Variants in PKHD1L1 observed in about 807,000 individuals in gnomAD.
PKHD1L1 encodes the protein fibrocystin-L.
In PKHD1L1, 434 loss-of-function variants were observed where a neutral mutation model predicts 462.9. The observed-to-expected ratio is 0.94, with a 90% confidence interval of 0.87 to 1.02. PKHD1L1 has a LOEUF of 1.02. PKHD1L1 is among the 50% of genes least tolerant of loss of function. PKHD1L1 has a pLI of 0.00. For missense variants in PKHD1L1, 5,202 were observed against 5,096.1 expected (o/e 1.02, Z -0.63); for synonymous variants, 1,781 against 1,750.0 (o/e 1.02, Z -0.44).
chr8:109,430,180 C>A, intron 27 of PKHD1L1, 143 bp downstream of exon 27: 1 of 473,816 alleles, frequency 2.1e-6, no homozygotes, highest in Non-Finnish European at 3.7e-6. Flanking sequence ...AAATTAAAAA[C>A]CCTATCAGAG....
At position 109,445,432 on chromosome 8, in the gene PKHD1L1, G is replaced by A. The variant is rs771942205; in HGVS notation, c.5563G>A (p.Gly1855Ser). The change falls in exon 38 of 78, where the codon GGC becomes AGC. Residue 1855 changes from glycine (G) to serine (S), a missense_variant. Gly to Ser is a moderately conservative substitution (Grantham distance 56). Around this residue, in one of 3 missense-constraint regions of PKHD1L1, gnomAD observed 4,497 missense variants for 4,336.8 expected, o/e 1.04. Transcript: ENST00000378402. ...GGTTLVITGN[G>S]FYPGNTTVTI... ...AACTACACTGGTGATCACAGGAAAT[G>A]GCTTCTATCCAGGCAACACTACAGT... 1 of 1,613,912 alleles carries A rather than the reference G, an allele frequency of 6.2e-7. No homozygotes were observed. The highest frequency in any genetic ancestry group is 2.2e-5 in the East Asian group (1 of 44,874).
intron 72 of PKHD1L1, 97 bp from the exon 73 acceptor site, chr8:109,518,068 TGG>T: frequency 1.3e-6 from 1 of 769,168 alleles, no homozygotes; most frequent in Non-Finnish European, 2.0e-6. Context: ...AAGTTGAATT[TGG>T]GGGACTTTCT....
chr8:109,373,278 T>C (rs1183552814), intron 2 of PKHD1L1, among the ~76,000 whole-genome samples: 1 of 152,226 alleles, frequency 6.6e-6, no homozygotes, highest in African/African-American at 2.4e-5. Flanking sequence ...CTAGATTTTC[T>C]AGTTTATTTG....
At chr8:109,401,719 A>G (rs1813283549) in intron 14 of PKHD1L1, 131 bp downstream of exon 14, 1 of 518,058 alleles carries the variant, frequency 1.9e-6, no homozygotes, top group Non-Finnish European at 3.4e-6. Flanking sequence ...ATAATTGGTC[A>G]TTCTCTATAA....
At chr8:109,372,454 G>A (rs1466477939) in intron 2 of PKHD1L1, among the ~76,000 whole-genome samples, 8 of 152,108 alleles carry the variant, frequency 5.3e-5, no homozygotes, top group Non-Finnish European at 8.8e-5. Flanking sequence ...CTGCAAACAG[G>A]GACAATTTGA....
At chr8:109,436,578 T>C in intron 30 of PKHD1L1, 119 bp downstream of exon 30, 1 of 1,461,932 alleles carries the variant, frequency 6.8e-7, no homozygotes, top group Non-Finnish European at 9.1e-7. Context: ...ACTGCAGGGT[T>C]TCTATTATGC....
Position 109,412,509 on chromosome 8 carries a change from A to G in PKHD1L1, c.2235+95A>G, listed in dbSNP as rs1335282304. ...TAAGACAAGAAAAAATATTTGCCATATAAATAGTATGTCATATTGTAACAG... is the reference window on the plus strand; with the variant it reads ...TAAGACAAGAAAAAATATTTGCCATGTAAATAGTATGTCATATTGTAACAG... On this transcript the variant is annotated intron_variant, in intron 20 of 77. Transcript: ENST00000378402. The G allele has an allele frequency of 5.4e-6, 7 of 1,298,464 alleles. No individual in the cohort carries two copies. In the Admixed American group the frequency reaches 1.5e-4, roughly 28 times the overall value. The allele number at this position is 1,298,464 out of a possible 1,614,324, so 80.4% of individuals were successfully genotyped here.
intron 19 of PKHD1L1, among the ~76,000 whole-genome samples, chr8:109,410,760 C>T (rs1813814971): frequency 1.8e-5 from 1 of 55,224 alleles, no homozygotes. Context: ...GACGGAGTCT[C>T]ACTCTGTCTC....
In PKHD1L1 at chr8:109,429,455, A is replaced by T; in HGVS notation, c.3116A>T (p.Gln1039Leu). ...GACCTACTTCGTACACCCAGTCAAC[A>T]GCCACAGGTATTTTTGAAACTTTTC... Reference protein sequence around the residue: ...LGDLLRTPSQQPQVEVYVNGI... With the variant: ...LGDLLRTPSQLPQVEVYVNGI... Residue 1039 changes from glutamine to leucine, a missense_variant, in exon 26 of 78, where the codon CAG becomes CTG. Around this residue, in one of 3 missense-constraint regions of PKHD1L1, gnomAD observed 4,497 missense variants for 4,336.8 expected, o/e 1.04. Coordinates refer to ENST00000378402, the MANE Select transcript of PKHD1L1 (RefSeq NM_177531.6). 6.2e-7 allele frequency: 1 copy of T among 1,606,940 alleles called. No individual in the cohort carries two copies. Among genetic ancestry groups the T allele is most frequent in the Non-Finnish European group, 8.5e-7 (1 of 1,176,416 alleles).
chr8:109,505,405 G>A (rs1486960355), intron 68 of PKHD1L1, among the ~76,000 whole-genome samples: 1 of 152,182 alleles, frequency 6.6e-6, no homozygotes, highest in Non-Finnish European at 1.5e-5. Context: ...ACAAAGGTCA[G>A]TTGGTGTCAG....
At chr8:109,471,510 T>C (rs1386045302) in intron 50 of PKHD1L1, among the ~76,000 whole-genome samples, 1 of 152,204 alleles carries the variant, frequency 6.6e-6, no homozygotes, top group Non-Finnish European at 1.5e-5. Flanking sequence ...TTTTCATTCA[T>C]GAGTATTTCC....
chr8:109,371,908 C>T lies in PKHD1L1; in HGVS notation c.163+7272C>T, dbSNP rs368560174. ...ACCATGCTGTTTTGGTTACTGTAGCCTTGTAGTATAGTTTGAAGTCAGGTA... is the reference window on the plus strand; with the variant it reads ...ACCATGCTGTTTTGGTTACTGTAGCTTTGTAGTATAGTTTGAAGTCAGGTA... On this transcript the variant is annotated intron_variant, in intron 2 of 77. Transcript: ENST00000378402. 1.8e-4 allele frequency among the ~76,000 whole-genome samples: 27 copies of T among 152,050 alleles called. No homozygotes were observed. In the South Asian group the frequency reaches 2.5e-3, roughly 14 times the overall value.
intron 53 of PKHD1L1, among the ~76,000 whole-genome samples, chr8:109,479,347 C>T (rs1203982018): frequency 1.3e-5 from 2 of 152,096 alleles, no homozygotes; most frequent in Non-Finnish European, 2.9e-5. Context: ...CCTTTCTTCA[C>T]AGAATCTAGC....
rs116609013 is a variant in PKHD1L1, at chr8:109,394,857, T to A, written c.811+372T>A. On this transcript the variant is annotated intron_variant, in intron 10 of 77. Coordinates refer to ENST00000378402, the MANE Select transcript of PKHD1L1 (RefSeq NM_177531.6). ...TACGATGGGGTGACCCCATCATAAG[T>A]TGAAAATATTATTACATCGAAAATG... is the stretch of plus-strand genomic sequence containing the variant. Among the ~76,000 whole-genome samples, 1,453 of 152,286 alleles carry A rather than the reference T, an allele frequency of 9.5e-3. 20 individuals carry two copies. Among genetic ancestry groups the A allele is most frequent in the African/African-American group, 0.033 (1,371 of 41,536 alleles).
intron 41 of PKHD1L1, 70 bp downstream of exon 41, chr8:109,451,219 A>G (rs1217509589): frequency 2.1e-6 from 3 of 1,456,228 alleles, no homozygotes; most frequent in African/African-American, 2.8e-5. Context: ...GCTTTCTCCT[A>G]TGCCCGGACA....
At position 109,536,458 on chromosome 8, in the gene PKHD1L1, G is replaced by C. The variant is rs1361192223; in HGVS notation, c.*6368G>C. Among the ~76,000 whole-genome samples the C allele has an allele frequency of 6.6e-6, 1 of 152,072 alleles. No individual in the cohort carries two copies. The highest frequency in any genetic ancestry group is 1.5e-5 in the Non-Finnish European group (1 of 68,012). ...GATTTACAAACTACTGTTTTATGTT[G>C]GTTGTATGAATTTCAATACATTTAC... On this transcript the variant is annotated 3_prime_UTR_variant, in exon 78 of 78. Coordinates refer to ENST00000378402, the MANE Select transcript of PKHD1L1 (RefSeq NM_177531.6).
At chr8:109,494,451 C>T (rs1818990088) in intron 63 of PKHD1L1, among the ~76,000 whole-genome samples, 2 of 152,004 alleles carry the variant, frequency 1.3e-5, no homozygotes, top group South Asian at 4.1e-4. Context: ...TTATTCATCA[C>T]AGCATTGTCT....
At chr8:109,424,532 T>C (rs2130662214) in intron 23 of PKHD1L1, among the ~76,000 whole-genome samples, 1 of 152,296 alleles carries the variant, frequency 6.6e-6, no homozygotes, top group African/African-American at 2.4e-5. Context: ...ATTTTCATTA[T>C]TGGGGTTACA....
At chr8:109,503,315 CA>C (rs35157030) in intron 67 of PKHD1L1, among the ~76,000 whole-genome samples, 58,573 of 132,528 alleles carry the variant, frequency 0.44, 11,578 homozygotes, top group South Asian at 0.6. Flanking sequence ...CAAAAACAAA[CA>C]AAAAAAAAAC....
Sources: allele counts gnomAD v4.1 joint callset (sites outside exome capture counted in the v4.1 genomes callset), GRCh38; gene constraint gnomAD v4.1.1; regional missense constraint gnomAD v4.1.1; transcripts MANE v1.5; gene names NCBI Gene and HGNC (gene_info 2026-07-23, HGNC 2026-07-21).